Variants in ATP11C observed in about 807,000 individuals in gnomAD.
The protein encoded by ATP11C is phospholipid-transporting ATPase IG.
A neutral mutation model predicts 97.4 loss-of-function variants in ATP11C; 36 were observed. That is an observed-to-expected ratio of 0.37 (90% CI 0.28 to 0.49). The LOEUF is 0.49. Among genes scored for constraint, ATP11C ranks in the 20% least tolerant of loss-of-function variants. The pLI is 0.98. For missense variants in ATP11C, 730 were observed against 824.6 expected (o/e 0.89, Z 1.40); for synonymous variants, 275 against 290.9 (o/e 0.95, Z 0.56).
At chrX:139,832,778 G>A (rs2083676989) in intron 1 of ATP11C, among the ~76,000 whole-genome samples, 1 of 112,252 alleles carries the variant, frequency 8.9e-6, no homozygotes, top group African/African-American at 3.2e-5. Context: ...GGCCTAAGCA[G>A]ATGGTTTATG....
At position 139,798,822 on chromosome X, in the gene ATP11C, A is replaced by G. The variant is rs950868312; in HGVS notation, c.711-79T>C. 1.3e-5 allele frequency: 9 copies of G among 707,560 alleles called. No homozygotes were observed. The African/African-American group carries it at 1.7e-4, about 13-fold the overall frequency. 58.3% of individuals were successfully genotyped at this position (707,560 alleles called of 1,213,427 possible). A position where few individuals can be genotyped will look rare whatever the true frequency, so the allele number is the denominator to read the frequency against. On this transcript the variant is annotated intron_variant, in intron 8 of 29. Transcript: ENST00000682941. ...CTGGGGACAGATTTTGCCCTGACAC[A>G]CACCTATCTCCAAGGGGTTCAGAAT... is the stretch of plus-strand genomic sequence containing the variant.
intron 21 of ATP11C, among the ~76,000 whole-genome samples, chrX:139,762,817 T>C (rs1198853272): frequency 9.0e-6 from 1 of 110,891 alleles, no homozygotes; most frequent in East Asian, 2.8e-4. Flanking sequence ...GTACAGGTGG[T>C]GGAAAAGCTG....
At chrX:139,860,104 C>CAAAAAAAAA (rs1245214221) in intron 1 of ATP11C, among the ~76,000 whole-genome samples, 15 of 19,738 alleles carry the variant, frequency 7.6e-4, no homozygotes, top group Admixed American at 2.2e-3. Flanking sequence ...GACTCCGTCT[C>CAAAAAAAAA]AAAAAAAAAA....
chrX:139,853,833 CAAAAAAAAAAAA>C (rs934664774), intron 1 of ATP11C, among the ~76,000 whole-genome samples: 16 of 21,269 alleles, frequency 7.5e-4, no homozygotes, highest in Non-Finnish European at 9.0e-4. Flanking sequence ...TATCCTAAGT[CAAAAAAAAAAAA>C]AAAAAAAAAA....
At chrX:139,894,756 C>T (rs1337239868) in intron 1 of ATP11C, among the ~76,000 whole-genome samples, 2 of 111,820 alleles carry the variant, frequency 1.8e-5, no homozygotes, top group Admixed American at 1.9e-4. Context: ...AAAATATGTA[C>T]ATCTATTAAT....
At chrX:139,908,903 T>C (rs1264108561) in intron 1 of ATP11C, among the ~76,000 whole-genome samples, 1 of 112,111 alleles carries the variant, frequency 8.9e-6, no homozygotes, top group Non-Finnish European at 1.9e-5. Flanking sequence ...TTAAAATAAA[T>C]GATTATTATA....
At chrX:139,789,543 A>G in intron 12 of ATP11C, 55 bp from the exon 13 acceptor site, 2 of 999,568 alleles carry the variant, frequency 2.0e-6, no homozygotes, top group Non-Finnish European at 2.7e-6. Context: ...ACTAATTTTT[A>G]GTTTGCTGTA....
intron 7 of ATP11C, among the ~76,000 whole-genome samples, chrX:139,801,177 G>A (rs1194002088): frequency 8.9e-6 from 1 of 112,257 alleles, no homozygotes. Context: ...ATATGCAAGG[G>A]TATAGATATT....
Position 139,769,843 on chromosome X carries a change from G to A in ATP11C, c.2217-1409C>T, listed in dbSNP as rs945660578. 2.7e-5 allele frequency among the ~76,000 whole-genome samples: 3 copies of A among 111,346 alleles called. No individual in the cohort carries two copies. In the East Asian group the frequency reaches 8.5e-4, roughly 32 times the overall value. ...AATTCGGATTCGTTAGGTCTGGGGT[G>A]TGATGTGAGATTTTGCATTTCTAAC... On this transcript the variant is annotated intron_variant, in intron 19 of 29. Coordinates refer to ENST00000682941, the MANE Select transcript of ATP11C (RefSeq NM_001353812.2).
At chrX:139,838,763 C>A (rs905874696) in intron 1 of ATP11C, among the ~76,000 whole-genome samples, 10 of 111,921 alleles carry the variant, frequency 8.9e-5, no homozygotes, top group Non-Finnish European at 1.9e-4. Flanking sequence ...GCATGGCCAA[C>A]ATGGTGAAAC....
chrX:139,872,123 T>C (rs1028764225), intron 1 of ATP11C, among the ~76,000 whole-genome samples: 14 of 111,431 alleles, frequency 1.3e-4, no homozygotes, highest in Admixed American at 4.8e-4. Flanking sequence ...ATGCTTTGTG[T>C]AAACAGCTAA....
At chrX:139,782,780 A>G (rs1158915143) in intron 17 of ATP11C, 52 bp from the exon 18 acceptor site, 1 of 909,169 alleles carries the variant, frequency 1.1e-6, no homozygotes, top group East Asian at 3.2e-5. Flanking sequence ...TTGGAAAAAA[A>G]AAAAAACACA....
At chrX:139,874,976 C>T (rs906854789) in intron 1 of ATP11C, among the ~76,000 whole-genome samples, 6 of 110,935 alleles carry the variant, frequency 5.4e-5, no homozygotes, top group African/African-American at 2.0e-4. Flanking sequence ...CTACTACCTC[C>T]TCCTCCCCCT....
intron 1 of ATP11C, among the ~76,000 whole-genome samples, chrX:139,909,067 G>C (rs1019045664): frequency 2.7e-5 from 3 of 112,073 alleles, no homozygotes; most frequent in Non-Finnish European, 5.6e-5. Context: ...TGGGCACATG[G>C]AACAATCTGG....
intron 19 of ATP11C, among the ~76,000 whole-genome samples, chrX:139,774,217 T>C (rs1239405048): frequency 1.8e-5 from 2 of 111,951 alleles, no homozygotes; most frequent in African/African-American, 3.2e-5. Context: ...AAAGCGGCCA[T>C]GTCCTCTAAA....
chrX:139,765,201 C>A (rs1036870919), intron 20 of ATP11C, among the ~76,000 whole-genome samples: 3 of 109,273 alleles, frequency 2.7e-5, no homozygotes. Context: ...TGGATTAAGA[C>A]CTCTTCAATC....
chrX:139,925,107 G>C (rs747252626), intron 1 of ATP11C, among the ~76,000 whole-genome samples: 1 of 111,560 alleles, frequency 9.0e-6, no homozygotes, highest in African/African-American at 3.3e-5. Context: ...GGTGAACAGA[G>C]AGTGTGCCCA....
At chrX:139,882,082 T>C (rs1241780729) in intron 1 of ATP11C, among the ~76,000 whole-genome samples, 1 of 111,669 alleles carries the variant, frequency 9.0e-6, no homozygotes, top group African/African-American at 3.3e-5. Context: ...GATCTGCCTG[T>C]CCAAGCCCTA....
At chrX:139,760,155 G>T (rs1348250962) in intron 22 of ATP11C, among the ~76,000 whole-genome samples, 1 of 112,077 alleles carries the variant, frequency 8.9e-6, no homozygotes, top group Non-Finnish European at 1.9e-5. Context: ...AAAGCCAAAG[G>T]CAAGTTATAC....
Sources: gnomAD v4.1 joint callset for allele counts (sites outside exome capture counted in the v4.1 genomes callset) on GRCh38, gnomAD v4.1.1 for gene constraint, MANE v1.5 for transcripts, NCBI Gene and HGNC (gene_info 2026-07-23, HGNC 2026-07-21) for gene names.